Variants in ZNF804B observed in about 807,000 individuals in gnomAD.
ZNF804B encodes the protein zinc finger protein 804B.
ZNF804B carries 80 observed loss-of-function variants against 101.4 expected under a neutral mutation model. The observed-to-expected ratio is 0.79, with a 90% CI of 0.66 to 0.95. The LOEUF is 0.95. ZNF804B is among the 40% of genes least tolerant of loss of function. ZNF804B has a pLI of 0.00. For synonymous variants in ZNF804B, 622 were observed against 558.8 expected, an observed-to-expected ratio of 1.11 and a Z score of -1.59; for missense variants, 1,673 against 1,561.9, an observed-to-expected ratio of 1.07 and a Z score of -1.20.
chr7:88,890,482 C>T (rs993872841), intron 1 of ZNF804B, among the ~76,000 whole-genome samples: 2 of 152,122 alleles, frequency 1.3e-5, no homozygotes, highest in African/African-American at 4.8e-5. Flanking sequence ...TACCATTTGC[C>T]TTCTCACTAT....
chr7:89,018,255 A>G (rs1317458775), intron 1 of ZNF804B, among the ~76,000 whole-genome samples: 2 of 152,088 alleles, frequency 1.3e-5, no homozygotes, highest in Non-Finnish European at 2.9e-5. Context: ...ATGTTTCTGC[A>G]TCTATTGAGA....
intron 1 of ZNF804B, among the ~76,000 whole-genome samples, chr7:89,170,778 C>G (rs1791211762): frequency 6.6e-6 from 1 of 152,238 alleles, no homozygotes; most frequent in African/African-American, 2.4e-5. Flanking sequence ...TGCTTCAACA[C>G]TTTCTCCCCT....
At chr7:89,257,532 A>G (rs920160220) in intron 2 of ZNF804B, among the ~76,000 whole-genome samples, 32 of 152,152 alleles carry the variant, frequency 2.1e-4, no homozygotes, top group Admixed American at 2.0e-3. Context: ...TGTCCTTTAC[A>G]TATAAAAGGA....
At chr7:89,230,676 A>T (rs1789178963) in intron 2 of ZNF804B, among the ~76,000 whole-genome samples, 1 of 152,070 alleles carries the variant, frequency 6.6e-6, no homozygotes, top group African/African-American at 2.4e-5. Flanking sequence ...AATTCCATGG[A>T]GAAGATATTC....
chr7:89,182,384 A>G (rs907312050), intron 1 of ZNF804B, among the ~76,000 whole-genome samples: 1 of 152,178 alleles, frequency 6.6e-6, no homozygotes, highest in Admixed American at 6.5e-5. Context: ...TTAGTTCAAT[A>G]TATATCAAAA....
At chr7:89,094,638 G>A (rs892831516) in intron 1 of ZNF804B, among the ~76,000 whole-genome samples, 1 of 151,914 alleles carries the variant, frequency 6.6e-6, no homozygotes, top group Non-Finnish European at 1.5e-5. Context: ...CTTTGCTACA[G>A]TGTGTTTCTG....
intron 1 of ZNF804B, among the ~76,000 whole-genome samples, chr7:88,776,875 A>G (rs148163386): frequency 4.0e-4 from 59 of 148,834 alleles, no homozygotes; most frequent in Non-Finnish European, 7.4e-4. Flanking sequence ...AACAGAAATT[A>G]TTCTCAGCTT....
intron 2 of ZNF804B, among the ~76,000 whole-genome samples, chr7:89,310,153 G>A (rs569717944): frequency 1.3e-5 from 2 of 151,654 alleles, no homozygotes; most frequent in Non-Finnish European, 2.9e-5. Flanking sequence ...ATGCAGTTCT[G>A]ATGCTTGACA....
At chr7:88,854,533 T>C (rs1440067696) in intron 1 of ZNF804B, among the ~76,000 whole-genome samples, 6 of 78,178 alleles carry the variant, frequency 7.7e-5, no homozygotes, top group Non-Finnish European at 7.2e-5. Context: ...TTCCTTTCCT[T>C]CCTTCCTTCC....
At chr7:88,841,623 C>A (rs1321500682) in intron 1 of ZNF804B, among the ~76,000 whole-genome samples, 5 of 152,084 alleles carry the variant, frequency 3.3e-5, no homozygotes, top group Non-Finnish European at 5.9e-5. Context: ...ACCATAAGTA[C>A]AAAAGCTTTC....
intron 2 of ZNF804B, among the ~76,000 whole-genome samples, chr7:89,316,422 G>A (rs1259566996): frequency 1.3e-5 from 2 of 151,968 alleles, no homozygotes; most frequent in South Asian, 2.1e-4. Flanking sequence ...ATCATAATAT[G>A]ATAATATCAT....
chr7:88,853,316 A>G (rs979814311), intron 1 of ZNF804B, among the ~76,000 whole-genome samples: 4 of 152,122 alleles, frequency 2.6e-5, no homozygotes, highest in African/African-American at 9.7e-5. Flanking sequence ...ACACAATTGG[A>G]AGCAGAGTTA....
At chr7:89,324,485 ACT>A (rs1287288999) in intron 2 of ZNF804B, among the ~76,000 whole-genome samples, 4 of 151,142 alleles carry the variant, frequency 2.6e-5, no homozygotes, top group Non-Finnish European at 5.9e-5. Context: ...CCAAATGAAT[ACT>A]CTCTGTCTTT....
intron 2 of ZNF804B, among the ~76,000 whole-genome samples, chr7:89,325,807 CT>C (rs1562946278): frequency 6.6e-6 from 1 of 151,890 alleles, no homozygotes; most frequent in East Asian, 1.9e-4. Flanking sequence ...AAACCCTCTC[CT>C]TTTTTTCCAA....
intron 1 of ZNF804B, among the ~76,000 whole-genome samples, chr7:88,857,164 G>T (rs922623523): frequency 1.3e-5 from 2 of 151,992 alleles, no homozygotes; most frequent in African/African-American, 4.8e-5. Context: ...AAGCAGGAAA[G>T]ATCTAAAATT....
intron 1 of ZNF804B, among the ~76,000 whole-genome samples, chr7:88,830,009 T>G (rs1338558582): frequency 6.6e-6 from 1 of 152,166 alleles, no homozygotes; most frequent in African/African-American, 2.4e-5. Flanking sequence ...ATCCCTTGGT[T>G]TATGATTTTA....
Position 88,845,303 on chromosome 7 carries a change from A to ACGCGCGCG in ZNF804B, c.108+85220_108+85221insGCGCGCGC, listed in dbSNP as rs1291341949. 3.2e-5 allele frequency among the ~76,000 whole-genome samples: 4 copies of ACGCGCGCG among 126,426 alleles called. No individual in the cohort carries two copies. The East Asian group carries it at 1.4e-3, about 44-fold the overall frequency. The allele number at this position is 126,426 out of a possible 152,430, so 82.9% of individuals were successfully genotyped here. A position where few individuals can be genotyped will look rare whatever the true frequency, so the allele number is the denominator to read the frequency against. ...CGCACGCGCGCGCGCACGCGCGCGC[A>ACGCGCGCG]CACACACACACACACACAATAACAA... On this transcript the variant is annotated intron_variant, in intron 1 of 3. Transcript: ENST00000333190.
Position 89,010,700 on chromosome 7 carries a change from A to T in ZNF804B, c.109-207455A>T, listed in dbSNP as rs185797260. On this transcript the variant is annotated intron_variant, in intron 1 of 3. Transcript: ENST00000333190. ...GTAGATATTTTTGATGTAAAGAGTTACATGTTGTAAAGCTCTCTCTTTTAA... is the reference window on the plus strand; with the variant it reads ...GTAGATATTTTTGATGTAAAGAGTTTCATGTTGTAAAGCTCTCTCTTTTAA... Among the ~76,000 whole-genome samples the T allele has an allele frequency of 5.9e-5, 9 of 152,342 alleles. No homozygotes were observed. The East Asian group carries it at 1.5e-3, about 26-fold the overall frequency.
chr7:88,967,564 G>T (rs1475079408), intron 1 of ZNF804B, among the ~76,000 whole-genome samples: 1 of 151,046 alleles, frequency 6.6e-6, no homozygotes, highest in African/African-American at 2.4e-5. Context: ...TTAAGAAAAT[G>T]ATTTAAATTG....
Sources: allele counts gnomAD v4.1 joint callset (sites outside exome capture counted in the v4.1 genomes callset), GRCh38; gene constraint gnomAD v4.1.1; transcripts MANE v1.5; gene names NCBI Gene and HGNC (gene_info 2026-07-23, HGNC 2026-07-21).